The following CAP2 variants were observed in gnomAD, a reference collection of about 807,000 sequenced individuals.
CAP2 encodes cyclase associated actin cytoskeleton regulatory protein 2.
CAP2 carries 24 observed loss-of-function variants against 57.7 expected under a neutral mutation model. The ratio of observed to expected loss-of-function variants is 0.42; its 90% CI spans 0.30 to 0.58. The LOEUF is 0.58. CAP2 is among the 20% of genes least tolerant of loss of function. CAP2 has a pLI of 0.22. For missense variants in CAP2, 501 were observed against 590.3 expected (o/e 0.85, Z 1.57); for synonymous variants, 194 against 207.2 (o/e 0.94, Z 0.55).
At chr6:17,480,773 G>GGTTTTTT (rs1209470148) in intron 4 of CAP2, among the ~76,000 whole-genome samples, 1 of 136,370 alleles carries the variant, frequency 7.3e-6, no homozygotes, top group Non-Finnish European at 1.6e-5. Flanking sequence ...GGTTTTTTTG[G>GGTTTTTT]TTTTTTTTTT....
intron 3 of CAP2, among the ~76,000 whole-genome samples, chr6:17,442,517 C>G (rs185596757): frequency 1.3e-5 from 2 of 152,136 alleles, no homozygotes; most frequent in Non-Finnish European, 2.9e-5. Flanking sequence ...TGGGAAAAAA[C>G]TGATTGAGTC....
intron 1 of CAP2, among the ~76,000 whole-genome samples, chr6:17,411,195 C>T (rs1016197809): frequency 1.3e-5 from 2 of 152,158 alleles, no homozygotes; most frequent in Non-Finnish European, 2.9e-5. Context: ...TAGGCATTCA[C>T]AGGTTAATGG....
intron 4 of CAP2, among the ~76,000 whole-genome samples, chr6:17,492,016 G>C (rs898133562): frequency 2.0e-5 from 3 of 152,198 alleles, no homozygotes; most frequent in African/African-American, 7.2e-5. Context: ...CTTGGCCCCA[G>C]CCTTGTCCCT....
At chr6:17,541,770 T>C (rs963516944) in intron 9 of CAP2, among the ~76,000 whole-genome samples, 1 of 152,214 alleles carries the variant, frequency 6.6e-6, no homozygotes, top group African/African-American at 2.4e-5. Context: ...TCTGACTATA[T>C]GTTCGTACCC....
chr6:17,525,559 C>T (rs796088513), intron 7 of CAP2, among the ~76,000 whole-genome samples: 6 of 152,218 alleles, frequency 3.9e-5, no homozygotes, highest in African/African-American at 1.4e-4. Context: ...CCATCCTCAG[C>T]GGCTGCATAG....
At chr6:17,417,570 C>T (rs1044662838) in intron 1 of CAP2, among the ~76,000 whole-genome samples, 8 of 152,158 alleles carry the variant, frequency 5.3e-5, no homozygotes, top group African/African-American at 1.4e-4. Context: ...CCACTGGCCC[C>T]GGCTCCTAAA....
At chr6:17,524,074 C>CAAA (rs10523029) in intron 7 of CAP2, among the ~76,000 whole-genome samples, 6 of 118,946 alleles carry the variant, frequency 5.0e-5, no homozygotes, top group African/African-American at 1.5e-4. Context: ...GACTCTGTCT[C>CAAA]AAAAAAAAAA....
At chr6:17,498,711 TTTTATTTTA>T (rs1300947420) in intron 4 of CAP2, among the ~76,000 whole-genome samples, 7 of 152,006 alleles carry the variant, frequency 4.6e-5, no homozygotes, top group South Asian at 2.1e-4. Flanking sequence ...GCTTGTTTTA[TTTTATTTTA>T]TTTATTTTAT....
At chr6:17,500,350 T>C (rs1581572539) in intron 4 of CAP2, among the ~76,000 whole-genome samples, 1 of 75,390 alleles carries the variant, frequency 1.3e-5, no homozygotes, top group Admixed American at 1.2e-4. Context: ...AATATATATA[T>C]ATATATATAT....
At chr6:17,421,761 C>T (rs774296706) in intron 2 of CAP2, 85 bp downstream of exon 2, 30 of 1,477,806 alleles carry the variant, frequency 2.0e-5, no homozygotes, top group African/African-American at 1.7e-4. Context: ...AGGAACATTT[C>T]TATTATCCTT....
At chr6:17,496,108 G>A (rs1442136968) in intron 4 of CAP2, among the ~76,000 whole-genome samples, 2 of 150,510 alleles carry the variant, frequency 1.3e-5, no homozygotes, top group Non-Finnish European at 2.9e-5. Context: ...GGTTATAAGT[G>A]AGACAACCAG....
intron 3 of CAP2, among the ~76,000 whole-genome samples, chr6:17,439,144 A>AG (rs926233652): frequency 1.3e-5 from 2 of 150,936 alleles, no homozygotes; most frequent in African/African-American, 4.9e-5. Context: ...AAAGAGAGAG[A>AG]GAAAAAAAAG....
chr6:17,436,584 C>T (rs1759895298), intron 3 of CAP2, among the ~76,000 whole-genome samples: 1 of 152,158 alleles, frequency 6.6e-6, no homozygotes, highest in Non-Finnish European at 1.5e-5. Flanking sequence ...GAGAGGGAGG[C>T]GGGTATCAGA....
At chr6:17,469,192 G>A (rs1760950417) in intron 4 of CAP2, among the ~76,000 whole-genome samples, 1 of 152,236 alleles carries the variant, frequency 6.6e-6, no homozygotes, top group Non-Finnish European at 1.5e-5. Flanking sequence ...CTATCATTCG[G>A]GGAATTCCTG....
chr6:17,418,183 A>G (rs924806504), intron 1 of CAP2, among the ~76,000 whole-genome samples: 5 of 152,116 alleles, frequency 3.3e-5, no homozygotes, highest in African/African-American at 1.2e-4. Context: ...AGGCGGCATG[A>G]TCATCCGATC....
chr6:17,543,194 A>C, intron 11 of CAP2, 51 bp downstream of exon 11: 1 of 1,447,096 alleles, frequency 6.9e-7, no homozygotes, highest in Non-Finnish European at 9.7e-7. Flanking sequence ...CTTTCCAACC[A>C]CGCTGTAATA....
Position 17,539,288 on chromosome 6 carries a change from T to C in CAP2, c.656T>C (p.Val219Ala), listed in dbSNP as rs769611610. 1.2e-6 allele frequency: 2 copies of C among 1,613,754 alleles called. No individual in the cohort carries two copies. Among genetic ancestry groups the C allele is most frequent in the Non-Finnish European group, 1.7e-6 (2 of 1,179,790 alleles). ...WSKTGPVAST[V>A]SAFSVLSSGP... ...TCTCAGGGTCCTGTAGCATCCACAG[T>C]ATCAGCGTTTTCTGTCCTCTCCTCT... The change falls in exon 8 of 13, where the codon GTA becomes GCA. Residue 219 changes from valine (V) to alanine (A), a missense_variant. By Grantham distance (64) the Val-to-Ala change is moderately conservative. Transcript: ENST00000229922.
intron 7 of CAP2, among the ~76,000 whole-genome samples, chr6:17,514,475 C>A (rs574922247): frequency 6.6e-6 from 1 of 152,220 alleles, no homozygotes; most frequent in Non-Finnish European, 1.5e-5. Context: ...TGGCAGGGCG[C>A]AGTGGCTCTC....
At chr6:17,436,745 G>A (rs1362683921) in intron 3 of CAP2, among the ~76,000 whole-genome samples, 1 of 152,034 alleles carries the variant, frequency 6.6e-6, no homozygotes, top group Non-Finnish European at 1.5e-5. Flanking sequence ...CAAGGAGCCT[G>A]TGGATGCTGA....
Sources: gnomAD v4.1 joint callset for allele counts (sites outside exome capture counted in the v4.1 genomes callset) on GRCh38, gnomAD v4.1.1 for gene constraint, MANE v1.5 for transcripts, NCBI Gene and HGNC (gene_info 2026-07-23, HGNC 2026-07-21) for gene names.